The following PCSK5 variants were observed in gnomAD, a reference collection of about 807,000 sequenced individuals.
The protein encoded by PCSK5 is prohormone convertase 5.
In PCSK5, 129 loss-of-function variants were observed where a neutral mutation model predicts 233.2. That is an observed-to-expected ratio of 0.55 (90% CI 0.48 to 0.64). The LOEUF (loss-of-function observed/expected upper bound fraction) is 0.64, where lower values mean the gene tolerates loss of function less well. Ranked by LOEUF, PCSK5 falls within the 30% of genes least tolerant of loss-of-function variation. The pLI, the probability that PCSK5 is intolerant of heterozygous loss-of-function variation, is 0.00. For missense variants in PCSK5, 2,076 were observed against 2,430.1 expected (o/e 0.85, Z 3.06); for synonymous variants, 825 against 879.2 (o/e 0.94, Z 1.09).
At chr9:76,064,066 T>C (rs1308755092) in intron 5 of PCSK5, among the ~76,000 whole-genome samples, 1 of 98,066 alleles carries the variant, frequency 1.0e-5, no homozygotes, top group South Asian at 4.6e-4. Flanking sequence ...GGCTCCTCAC[T>C]TCCCAGTAGG....
intron 3 of PCSK5, among the ~76,000 whole-genome samples, chr9:75,987,423 G>A (rs1208764540): frequency 3.9e-5 from 6 of 152,100 alleles, no homozygotes; most frequent in Non-Finnish European, 7.3e-5. Flanking sequence ...TTGTGGGGGG[G>A]CGGGTCTCTT....
chr9:76,296,260 C>T (rs900903182), intron 26 of PCSK5, among the ~76,000 whole-genome samples: 19 of 152,192 alleles, frequency 1.2e-4, no homozygotes, highest in Admixed American at 9.8e-4. Context: ...CCACCTCGCC[C>T]GACCTGGATT....
chr9:76,360,996 T>C lies in PCSK5; in HGVS notation c.*2074T>C, dbSNP rs1000450013. On this transcript the variant is annotated 3_prime_UTR_variant, in exon 38 of 38. Transcript: ENST00000674117. ...GCTGACTTTATCTTTAAAACAGTTTTCAGAGATCATACATGTACATGTATG... is the reference window on the plus strand; with the variant it reads ...GCTGACTTTATCTTTAAAACAGTTTCCAGAGATCATACATGTACATGTATG... 1.3e-5 allele frequency: 2 copies of C among 152,184 alleles called. No homozygotes were observed. The highest frequency in any genetic ancestry group is 4.8e-5 in the African/African-American group (2 of 41,438). The allele number at this position is 152,184 out of a possible 1,614,324, so 9.4% of individuals were successfully genotyped here.
At chr9:76,332,730 C>CT in intron 34 of PCSK5, 120 bp downstream of exon 34, 1 of 735,544 alleles carries the variant, frequency 1.4e-6, no homozygotes, top group Non-Finnish European at 2.2e-6. Flanking sequence ...AGTCTCAGTG[C>CT]TAGTAAGGAG....
chr9:76,350,722 C>T, intron 35 of PCSK5, 106 bp from the exon 36 acceptor site: 1 of 736,632 alleles, frequency 1.4e-6, no homozygotes, highest in Non-Finnish European at 2.4e-6. Context: ...ATTCACCCTT[C>T]TGCTTCAATT....
Position 76,350,895 on chromosome 9 carries a change from G to C in PCSK5, c.5034G>C (p.Ser1678=), listed in dbSNP as rs780332891. Residue 1678 remains serine, a synonymous_variant, in exon 36 of 38, where the codon TCG becomes TCC. Coordinates refer to ENST00000674117, the MANE Select transcript of PCSK5 (RefSeq NM_001372043.1). ...SYHLMGGICT[S]DCLVGEYRVG... ...ACCTCATGGGAGGGATCTGCACCTC[G>C]GACTGTCTTGTGGGGGAATACAGAG... 1.9e-6 allele frequency: 3 copies of C among 1,607,466 alleles called. No individual in the cohort carries two copies. In the South Asian group the frequency reaches 3.3e-5, roughly 18 times the overall value.
intron 1 of PCSK5, among the ~76,000 whole-genome samples, chr9:75,930,734 A>G (rs1490430778): frequency 6.6e-6 from 1 of 152,160 alleles, no homozygotes; most frequent in Non-Finnish European, 1.5e-5. Flanking sequence ...CACGAGAACT[A>G]CTGTATTTAC....
chr9:76,048,521 T>C (rs989179205), intron 5 of PCSK5, among the ~76,000 whole-genome samples: 2 of 152,208 alleles, frequency 1.3e-5, no homozygotes, highest in African/African-American at 2.4e-5. Context: ...CTTGTTTAAA[T>C]ATATTTTGCA....
At chr9:76,095,744 A>G in intron 7 of PCSK5, 146 bp from the exon 8 acceptor site, 1 of 659,284 alleles carries the variant, frequency 1.5e-6, no homozygotes, top group Non-Finnish European at 2.7e-6. Context: ...AACGCCTCTT[A>G]CTCCACTCCC....
At position 76,291,363 on chromosome 9, in the gene PCSK5, A is replaced by T. The variant is rs187576096; in HGVS notation, c.3143-870A>T. ...TTTTGTTAATTAAAGGTGACATAAA[A>T]TTTTCACATACCAAGAGGAACGTTT... On this transcript the variant is annotated intron_variant, in intron 24 of 37. Coordinates refer to ENST00000674117, the MANE Select transcript of PCSK5 (RefSeq NM_001372043.1). Among the ~76,000 whole-genome samples the T allele has an allele frequency of 2.6e-4, 39 of 152,310 alleles. 1 individual carries two copies. The East Asian group carries it at 4.0e-3, about 16-fold the overall frequency.
At chr9:76,132,815 A>G (rs1822812407) in intron 9 of PCSK5, among the ~76,000 whole-genome samples, 1 of 152,068 alleles carries the variant, frequency 6.6e-6, no homozygotes, top group Non-Finnish European at 1.5e-5. Flanking sequence ...TTAATTTCAC[A>G]TGGAAAATGA....
intron 8 of PCSK5, 135 bp downstream of exon 8, chr9:76,096,237 A>G (rs1478645505): frequency 7.8e-6 from 5 of 638,420 alleles, no homozygotes; most frequent in Admixed American, 5.7e-5. Context: ...TGGAAATAGG[A>G]AATTAGATTC....
intron 2 of PCSK5, among the ~76,000 whole-genome samples, chr9:75,951,748 AAAAT>A (rs1380627818): frequency 2.0e-5 from 3 of 152,102 alleles, no homozygotes; most frequent in African/African-American, 4.8e-5. Flanking sequence ...AAATAATAAT[AAAAT>A]AAATAACAAT....
At chr9:76,094,164 A>C (rs1287111082) in intron 7 of PCSK5, among the ~76,000 whole-genome samples, 1 of 152,228 alleles carries the variant, frequency 6.6e-6, no homozygotes, top group Non-Finnish European at 1.5e-5. Flanking sequence ...GGTCTATCAA[A>C]TCATGTCATA....
At chr9:76,334,138 C>T (rs1407345852) in intron 34 of PCSK5, among the ~76,000 whole-genome samples, 2 of 152,074 alleles carry the variant, frequency 1.3e-5, no homozygotes, top group East Asian at 1.9e-4. Context: ...CCTTATCAAA[C>T]CGTCAGATCT....
chr9:75,983,292 A>AT (rs1000231257), intron 2 of PCSK5, among the ~76,000 whole-genome samples: 8 of 151,958 alleles, frequency 5.3e-5, no homozygotes, highest in African/African-American at 1.2e-4. Context: ...ATATGGTCAC[A>AT]TTTTTTTTCC....
intron 7 of PCSK5, among the ~76,000 whole-genome samples, chr9:76,086,360 C>T (rs1031505351): frequency 4.6e-5 from 7 of 152,170 alleles, no homozygotes; most frequent in African/African-American, 1.4e-4. Flanking sequence ...GCCTGCCCCT[C>T]TTTCCAGCCA....
chr9:76,175,759 GA>G (rs1055650098), intron 14 of PCSK5, among the ~76,000 whole-genome samples: 15 of 151,420 alleles, frequency 9.9e-5, no homozygotes, highest in East Asian at 5.8e-4. Context: ...AAAATAAAGA[GA>G]AAAAAAAGTA....
chr9:75,947,381 A>G (rs1824624014), intron 2 of PCSK5, among the ~76,000 whole-genome samples: 1 of 152,232 alleles, frequency 6.6e-6, no homozygotes, highest in African/African-American at 2.4e-5. Context: ...AGATAGAACA[A>G]GGGTGGATGC....
Sources: allele counts gnomAD v4.1 joint callset (sites outside exome capture counted in the v4.1 genomes callset), GRCh38; gene constraint gnomAD v4.1.1; transcripts MANE v1.5; gene names NCBI Gene and HGNC (gene_info 2026-07-23, HGNC 2026-07-21).